ADAMTS19: variants seen among roughly 807,000 people sequenced by gnomAD.
The protein encoded by ADAMTS19 is A disintegrin and metalloproteinase with thrombospondin motifs 19.
In ADAMTS19, 93 loss-of-function variants were observed where a neutral mutation model predicts 153.3. The observed-to-expected ratio is 0.61, with a 90% CI of 0.51 to 0.72. The LOEUF (loss-of-function observed/expected upper bound fraction) is 0.72, where lower values mean the gene tolerates loss of function less well. Ranked by LOEUF, ADAMTS19 falls within the 30% of genes least tolerant of loss-of-function variation. The pLI is 0.00. For missense variants in ADAMTS19, 1,482 were observed against 1,552.1 expected (o/e 0.95, Z 0.76); for synonymous variants, 600 against 556.6 (o/e 1.08, Z -1.10).
At chr5:129,477,464 G>A (rs375440077) in intron 2 of ADAMTS19, among the ~76,000 whole-genome samples, 9 of 152,178 alleles carry the variant, frequency 5.9e-5, no homozygotes, top group East Asian at 1.9e-4. Context: ...GTTAGTGGGC[G>A]GAAAGATGAA....
chr5:129,518,815 ACT>A (rs1426435509), intron 3 of ADAMTS19, among the ~76,000 whole-genome samples: 1 of 151,410 alleles, frequency 6.6e-6, no homozygotes, highest in Non-Finnish European at 1.5e-5. Context: ...AAGGCCAATA[ACT>A]CTTATATTTG....
intron 7 of ADAMTS19, among the ~76,000 whole-genome samples, chr5:129,579,511 C>T (rs975498639): frequency 2.0e-5 from 3 of 152,130 alleles, no homozygotes; most frequent in African/African-American, 7.2e-5. Flanking sequence ...GAAGCCTTTG[C>T]CCATGCCTGT....
intron 21 of ADAMTS19, among the ~76,000 whole-genome samples, chr5:129,712,272 A>G (rs1397699174): frequency 6.6e-6 from 1 of 152,212 alleles, no homozygotes; most frequent in Non-Finnish European, 1.5e-5. Flanking sequence ...TCCATCATCT[A>G]AAGAAATCAA....
rs1352835950 is a variant in ADAMTS19, at chr5:129,665,533, A to G, written c.2460A>G (p.Ala820=). 4 of 1,610,820 alleles carry G rather than the reference A, an allele frequency of 2.5e-6. No individual in the cohort carries two copies. Among genetic ancestry groups the G allele is most frequent in the Non-Finnish European group, 3.4e-6 (4 of 1,177,924 alleles). The part of the protein sequence containing the change: ...YVEVLVIPAG[A]RRIKVVEEKP... ...AAGTGCTGGTGATACCTGCTGGAGC[A>G]AGAAGAATCAAAGTTGTGGAGGAAA... The change falls in exon 16 of 23, where the codon GCA becomes GCG. Residue 820 remains alanine, a synonymous_variant. Coordinates refer to ENST00000274487, the MANE Select transcript of ADAMTS19 (RefSeq NM_133638.6).
At chr5:129,673,146 T>C (rs1754389233) in intron 16 of ADAMTS19, among the ~76,000 whole-genome samples, 2 of 152,096 alleles carry the variant, frequency 1.3e-5, no homozygotes, top group South Asian at 4.1e-4. Flanking sequence ...GTGTTAATGA[T>C]TATCCCTATT....
intron 2 of ADAMTS19, among the ~76,000 whole-genome samples, chr5:129,473,873 A>G (rs892940524): frequency 2.0e-5 from 3 of 152,186 alleles, no homozygotes; most frequent in African/African-American, 7.2e-5. Flanking sequence ...GTAACAAACT[A>G]AAAAGGATAT....
At chr5:129,577,964 T>G (rs1379839833) in intron 7 of ADAMTS19, among the ~76,000 whole-genome samples, 1 of 151,174 alleles carries the variant, frequency 6.6e-6, no homozygotes, top group African/African-American at 2.4e-5. Flanking sequence ...TTTTACTTCC[T>G]TTTATTTTTT....
chr5:129,536,019 A>G (rs1366227076), intron 6 of ADAMTS19, among the ~76,000 whole-genome samples: 2 of 152,226 alleles, frequency 1.3e-5, no homozygotes, highest in Admixed American at 6.5e-5. Flanking sequence ...CTTCATGTCT[A>G]AAACACCAAA....
rs150348598 is a variant in ADAMTS19 at position 129,689,131 on chromosome 5, A to C, written c.2818+4858A>C. ...AATTCAATAACCCCTTATGAAACAC[A>C]TGAAGAGTTAAACATGCTTTTAGGA... On this transcript the variant is annotated intron_variant, in intron 18 of 22. Transcript: ENST00000274487. Among the ~76,000 whole-genome samples, 15 of 152,338 alleles carry C rather than the reference A, an allele frequency of 9.8e-5. No individual in the cohort carries two copies. The East Asian group carries it at 2.9e-3, about 29-fold the overall frequency.
chr5:129,614,945 A>G (rs2126964076), intron 8 of ADAMTS19, among the ~76,000 whole-genome samples: 1 of 152,316 alleles, frequency 6.6e-6, no homozygotes, highest in East Asian at 1.9e-4. Context: ...AATTGATTCA[A>G]CGAGAATGAA....
At chr5:129,618,157 C>T (rs1171505376) in intron 8 of ADAMTS19, among the ~76,000 whole-genome samples, 1 of 152,068 alleles carries the variant, frequency 6.6e-6, no homozygotes, top group African/African-American at 2.4e-5. Context: ...CATCTTTTTA[C>T]TCTGCCTTCT....
chr5:129,460,815 G>A, intron 1 of ADAMTS19: 2 of 471,360 alleles, frequency 4.2e-6, no homozygotes, highest in South Asian at 3.7e-5. Context: ...TCGTTTACTC[G>A]TGCTGGAGTC....
chr5:129,613,455 AAGGC>A (rs1377016704), intron 8 of ADAMTS19, among the ~76,000 whole-genome samples: 5 of 152,214 alleles, frequency 3.3e-5, no homozygotes, highest in Non-Finnish European at 7.3e-5. Context: ...TAACGAAATG[AAGGC>A]AGAAATAAAG....
At chr5:129,608,719 C>G (rs1210217231) in intron 8 of ADAMTS19, among the ~76,000 whole-genome samples, 1 of 151,808 alleles carries the variant, frequency 6.6e-6, no homozygotes, top group Non-Finnish European at 1.5e-5. Context: ...TTCAGGAGTT[C>G]AAGACCATTC....
At chr5:129,684,350 C>G in intron 18 of ADAMTS19, 77 bp downstream of exon 18, 3 of 1,516,160 alleles carry the variant, frequency 2.0e-6, no homozygotes, top group Non-Finnish European at 1.8e-6. Flanking sequence ...AAGACATATC[C>G]AAAATCCCTA....
At chr5:129,720,729 A>C (rs1433428140) in intron 21 of ADAMTS19, among the ~76,000 whole-genome samples, 1 of 152,218 alleles carries the variant, frequency 6.6e-6, no homozygotes, top group Non-Finnish European at 1.5e-5. Flanking sequence ...AATGGAAAGA[A>C]TGAGTGTCTG....
chr5:129,714,762 C>A (rs1266677756), intron 21 of ADAMTS19, among the ~76,000 whole-genome samples: 1 of 152,188 alleles, frequency 6.6e-6, no homozygotes, highest in Non-Finnish European at 1.5e-5. Context: ...CATTCTTTGA[C>A]TCAGCAAAAA....
chr5:129,678,872 TA>T (rs5871361), intron 16 of ADAMTS19, among the ~76,000 whole-genome samples: 19,067 of 152,140 alleles, frequency 0.13, 1,261 homozygotes, highest in Middle Eastern at 0.17. Flanking sequence ...TTTATTGGCT[TA>T]AGTTATCAAA....
chr5:129,600,732 A>G (rs774931940), intron 8 of ADAMTS19, among the ~76,000 whole-genome samples: 63 of 152,304 alleles, frequency 4.1e-4, no homozygotes, highest in Admixed American at 7.2e-4. Context: ...CAAATTATCA[A>G]CTTATAAATA....
Sources: gnomAD v4.1 joint callset for allele counts (sites outside exome capture counted in the v4.1 genomes callset) on GRCh38, gnomAD v4.1.1 for gene constraint, MANE v1.5 for transcripts, NCBI Gene and HGNC (gene_info 2026-07-23, HGNC 2026-07-21) for gene names.